The following CFLAR variants were observed in gnomAD, a reference collection of about 807,000 sequenced individuals.
CFLAR encodes the protein CASP8 and FADD like apoptosis regulator.
CFLAR carries 14 observed loss-of-function variants against 51.1 expected under a neutral mutation model. The ratio of observed to expected loss-of-function variants is 0.27; its 90% CI spans 0.18 to 0.43. The LOEUF (loss-of-function observed/expected upper bound fraction) is 0.43, where lower values mean the gene tolerates loss of function less well. Among genes scored for constraint, CFLAR ranks in the 20% least tolerant of loss-of-function variants. The pLI is 1.00. For missense variants in CFLAR, 390 were observed against 566.5 expected, an observed-to-expected ratio of 0.69 and a Z score of 3.16; for synonymous variants, 210 against 211.6, an observed-to-expected ratio of 0.99 and a Z score of 0.06.
chr2:201,142,789 G>A (rs966555758), intron 5 of CFLAR: 6 of 152,660 alleles, frequency 3.9e-5, no homozygotes, highest in African/African-American at 1.4e-4. Context: ...AGTAGAGATG[G>A]GGTTTCTCCA....
intron 5 of CFLAR, among the ~76,000 whole-genome samples, chr2:201,144,455 A>G (rs1939684308): frequency 6.6e-6 from 1 of 152,246 alleles, no homozygotes; most frequent in Non-Finnish European, 1.5e-5. Flanking sequence ...CAATAACTGG[A>G]CATTTATTAT....
At position 201,163,855 on chromosome 2, in the gene CFLAR, T is replaced by C; in HGVS notation, c.1325T>C (p.Leu442Pro). The C allele has an allele frequency of 6.2e-7, 1 of 1,612,614 alleles. No individual in the cohort carries two copies. Among genetic ancestry groups the C allele is most frequent in the Non-Finnish European group, 8.5e-7 (1 of 1,179,588 alleles). The change falls in exon 10 of 10, where the codon CTT becomes CCT. Residue 442 changes from leucine to proline, a missense_variant. By Grantham distance (98) the Leu-to-Pro change is moderately conservative (BLOSUM62 -3). Around this residue, in one of 2 missense-constraint regions of CFLAR, gnomAD observed 287 missense variants for 363.6 expected, o/e 0.79. Transcript: ENST00000309955. ...TCCAGAAAACGCCCACTCCTGGATC[T>C]TCACATTGAACTCAATGGCTACATG... Reference protein sequence around the residue: ...RQERKRPLLDLHIELNGYMYD... With the variant: ...RQERKRPLLDPHIELNGYMYD...
chr2:201,131,768 T>A (rs1044322373), intron 2 of CFLAR, among the ~76,000 whole-genome samples: 1 of 152,190 alleles, frequency 6.6e-6, no homozygotes, highest in Admixed American at 6.6e-5. Context: ...AGTGGCATGA[T>A]CATAGCTCAT....
At chr2:201,141,396 G>T in intron 5 of CFLAR, 2 of 1,559,658 alleles carry the variant, frequency 1.3e-6, no homozygotes, top group South Asian at 2.4e-5. Flanking sequence ...TATGCCCATT[G>T]TCCTGATCTG....
intron 5 of CFLAR, chr2:201,141,724 G>T: frequency 5.6e-6 from 5 of 898,272 alleles, no homozygotes; most frequent in South Asian, 3.3e-5. Flanking sequence ...AGTCACTTAT[G>T]GTTGTTGTGT....
chr2:201,149,839 G>C lies in CFLAR; in HGVS notation c.793+4G>C, dbSNP rs773424404. 6.2e-6 allele frequency: 10 copies of C among 1,610,664 alleles called. No homozygotes were observed. Among genetic ancestry groups the C allele is most frequent in the South Asian group, 2.2e-5 (2 of 90,996 alleles). On this transcript the variant is annotated splice_donor_region_variant and intron_variant, in intron 8 of 9. Transcript: ENST00000309955. ...GATTGCATTGGCAATGAGACAGGTAGGTGTGGAAGCTGCAGATTAACTGGT... is the reference window on the plus strand; with the variant it reads ...GATTGCATTGGCAATGAGACAGGTACGTGTGGAAGCTGCAGATTAACTGGT...
rs1340797107 is a variant in CFLAR, at chr2:201,172,574, C to T, written c.*8601C>T. 1 of 152,212 alleles carries T rather than the reference C, an allele frequency of 6.6e-6. No individual in the cohort carries two copies. The highest frequency in any genetic ancestry group is 2.4e-5 in the African/African-American group (1 of 41,438). The allele number at this position is 152,212 out of a possible 1,614,324, so 9.4% of individuals were successfully genotyped here. The stretch of plus-strand genomic sequence containing the variant: ...ACCAGTGAGCTGCCACTCTAATCCT[C>T]CTCTTCCCCCAGCCTCTAGAAACAA... On this transcript the variant is annotated 3_prime_UTR_variant, in exon 10 of 10. Coordinates refer to ENST00000309955, the MANE Select transcript of CFLAR (RefSeq NM_003879.7).
Position 201,166,559 on chromosome 2 carries a change from CGGGGTGGCGGCCG to C in CFLAR, c.*2589_*2601del, listed in dbSNP as rs1559266251. The C allele has an allele frequency of 1.6e-5, 3 of 184,896 alleles. No homozygotes were observed. The highest frequency in any genetic ancestry group is 3.4e-5 in the Non-Finnish European group (3 of 88,562). 11.5% of individuals were successfully genotyped at this position (184,896 alleles called of 1,614,324 possible). A position where few individuals can be genotyped will look rare whatever the true frequency, so the allele number is the denominator to read the frequency against. ...GAGACGCTCCTCACTTCATCCCAGA[CGGGGTGGCGGCCG>C]GGCAGAAGCTGTAATCTCGGCACCC... On this transcript the variant is annotated 3_prime_UTR_variant, in exon 10 of 10. Coordinates refer to ENST00000309955, the MANE Select transcript of CFLAR (RefSeq NM_003879.7).
At chr2:201,140,170 C>T (rs891453922) in intron 4 of CFLAR, 187 bp from the exon 5 acceptor site, 33 of 496,918 alleles carry the variant, frequency 6.6e-5, no homozygotes, top group African/African-American at 5.3e-4. Flanking sequence ...CGGGCCAGGG[C>T]GCCCTATACT....
chr2:201,138,587 G>A lies in CFLAR; in HGVS notation c.524-1770G>A, dbSNP rs1400362850. On this transcript the variant is annotated intron_variant, in intron 4 of 9. Transcript: ENST00000309955. The surrounding 1 kb of genome is among the most constrained non-coding windows in gnomAD (Gnocchi z 4.0). ...GAAAGTCGATGTCTCGGGAGGTGAC[G>A]ATGCCCACCAGCTTGCTGCCCATGG... The A allele has an allele frequency of 7.5e-6, 12 of 1,593,336 alleles. No homozygotes were observed. The highest frequency in any genetic ancestry group is 5.4e-5 in the African/African-American group (4 of 74,696).
At chr2:201,162,140 G>A (rs1412262127) in intron 9 of CFLAR, among the ~76,000 whole-genome samples, 2 of 152,030 alleles carry the variant, frequency 1.3e-5, no homozygotes, top group African/African-American at 4.8e-5. Context: ...ATCTCACTCT[G>A]TTGTCCAGGC....
At position 201,118,016 on chromosome 2, in the gene CFLAR, A is replaced by G; in HGVS notation, c.-138+1535A>G. Among the ~76,000 whole-genome samples, 1 of 152,154 alleles carries G rather than the reference A, an allele frequency of 6.6e-6. No individual in the cohort carries two copies. The highest frequency in any genetic ancestry group is 1.9e-4 in the East Asian group (1 of 5,186). ...GTGATCCGCCCGCCTCGGCATCCCA[A>G]AGTGCTGGGATTACAGGCGTGAGCC... On this transcript the variant is annotated intron_variant, in intron 1 of 9. Transcript: ENST00000309955. The surrounding 1 kb of genome is among the most constrained non-coding windows in gnomAD (Gnocchi z 5.1).
intron 4 of CFLAR, chr2:201,136,475 T>A: frequency 1.9e-6 from 3 of 1,594,572 alleles, no homozygotes; most frequent in South Asian, 2.2e-5. Flanking sequence ...ACTGTCCAAC[T>A]TCGGGTGATG....
At chr2:201,146,325 T>C (rs1178118651) in intron 6 of CFLAR, 4 of 152,210 alleles carry the variant, frequency 2.6e-5, no homozygotes, top group Non-Finnish European at 4.4e-5. Context: ...TTTTGTATTT[T>C]TAGTAGAGAT....
intron 3 of CFLAR, among the ~76,000 whole-genome samples, chr2:201,134,640 TTAAAATAAAATAAAATAAAA>T (rs60192551): frequency 4.2e-5 from 6 of 142,914 alleles, no homozygotes; most frequent in East Asian, 2.0e-4. Context: ...ATCTCAAAAA[TTAAAATAAAATAAAATAAAA>T]TAAAATAAAA....
chr2:201,130,574 C>T (rs912484626), intron 2 of CFLAR, among the ~76,000 whole-genome samples: 1 of 151,828 alleles, frequency 6.6e-6, no homozygotes. Flanking sequence ...CCATGTTGGC[C>T]AGGCTGGTCT....
chr2:201,133,540 A>C (rs2049605719), intron 3 of CFLAR, among the ~76,000 whole-genome samples: 1 of 151,922 alleles, frequency 6.6e-6, no homozygotes, highest in Non-Finnish European at 1.5e-5. Flanking sequence ...AGCTGACTCA[A>C]GGTCATTGTG....
At chr2:201,144,818 A>G (rs909714971) in intron 5 of CFLAR, among the ~76,000 whole-genome samples, 2 of 152,078 alleles carry the variant, frequency 1.3e-5, no homozygotes, top group African/African-American at 4.8e-5. Context: ...AAACATTCTA[A>G]TATGCTAGCT....
chr2:201,121,824 A>G (rs748858113), intron 1 of CFLAR, among the ~76,000 whole-genome samples: 41 of 152,336 alleles, frequency 2.7e-4, no homozygotes, highest in Non-Finnish European at 4.9e-4. Context: ...TTATTGCAGT[A>G]GTGTAGCATG....
Sources: gnomAD v4.1 joint callset for allele counts (sites outside exome capture counted in the v4.1 genomes callset) on GRCh38, gnomAD v4.1.1 for gene constraint, gnomAD v4.1.1 regional missense constraint, Gnocchi (gnomAD v3.1) non-coding constraint, MANE v1.5 for transcripts, NCBI Gene and HGNC (gene_info 2026-07-23, HGNC 2026-07-21) for gene names.